Variants in ARHGAP26 observed in about 807,000 individuals in gnomAD.
ARHGAP26 encodes Rho GTPase activating protein 26, also known as rho GTPase-activating protein 26.
In ARHGAP26, 38 loss-of-function variants were observed where a neutral mutation model predicts 104.8. The observed-to-expected ratio is 0.36, with a 90% confidence interval of 0.28 to 0.48. ARHGAP26 has a LOEUF of 0.48. Among genes scored for constraint, ARHGAP26 ranks in the 20% least tolerant of loss-of-function variants. The probability of loss-of-function intolerance (pLI) is 0.99; values close to 1 mark genes in which losing one functional copy is unlikely to be tolerated. For synonymous variants in ARHGAP26, 341 were observed against 340.0 expected (o/e 1.00, Z -0.03); for missense variants, 704 against 947.9 (o/e 0.74, Z 3.38).
chr5:142,879,359 G>A lies in ARHGAP26; in HGVS notation c.313-15G>A. The A allele has an allele frequency of 6.2e-7, 1 of 1,612,826 alleles. No individual in the cohort carries two copies. On this transcript the variant is annotated splice_polypyrimidine_tract_variant and intron_variant, in intron 3 of 22. Transcript: ENST00000645722. ...TTTTGTGTCTTCTTTCCCTTACTCT[G>A]TTGTTCTTCACCAGATTGAGAATGC...
intron 20 of ARHGAP26, among the ~76,000 whole-genome samples, chr5:143,198,541 C>T (rs1807213424): frequency 6.6e-6 from 1 of 152,126 alleles, no homozygotes; most frequent in East Asian, 1.9e-4. Flanking sequence ...TGACCCTTTC[C>T]CTTGAGGTTT....
chr5:142,953,637 TGCCAAAATTAAGGCA>T (rs1316528032), intron 11 of ARHGAP26, among the ~76,000 whole-genome samples: 3 of 152,228 alleles, frequency 2.0e-5, no homozygotes, highest in Non-Finnish European at 2.9e-5. Flanking sequence ...TTTTGGGACT[TGCCAAAATTAAGGCA>T]GCCTGTCCTG....
intron 11 of ARHGAP26, among the ~76,000 whole-genome samples, chr5:143,003,038 G>A (rs1225125296): frequency 2.0e-5 from 3 of 152,174 alleles, no homozygotes; most frequent in African/African-American, 7.2e-5. Flanking sequence ...AAAGCTTCCT[G>A]AATTATAACT....
rs1298333177 is a variant in ARHGAP26 at position 142,810,424 on chromosome 5, G to GAGACATATA, written c.154+39509_154+39510insAGACATATA. On this transcript the variant is annotated intron_variant, in intron 1 of 22. Transcript: ENST00000645722. Reference sequence around the variant, plus strand: ...TGACTTCAGCCCCAGGTCAAGTCCTGTTGTTAACTTCATAATATTTTAATG... The same window carrying GAGACATATA: ...TGACTTCAGCCCCAGGTCAAGTCCTGAGACATATATTGTTAACTTCATAATATTTTAATG... 5.6e-4 allele frequency among the ~76,000 whole-genome samples: 86 copies of GAGACATATA among 152,304 alleles called. No individual in the cohort carries two copies. In the East Asian group the frequency reaches 0.012, roughly 21 times the overall value.
chr5:143,182,821 T>A (rs1247508216), intron 20 of ARHGAP26, among the ~76,000 whole-genome samples: 2 of 152,160 alleles, frequency 1.3e-5, no homozygotes, highest in African/African-American at 4.8e-5. Context: ...TCAAGCCCCA[T>A]GTAAATAGTC....
intron 13 of ARHGAP26, 89 bp from the exon 14 acceptor site, chr5:143,041,722 GAAAAA>G (rs34295120): frequency 2.6e-4 from 164 of 642,696 alleles, no homozygotes; most frequent in African/African-American, 7.2e-4. Context: ...CTGAGAAAAT[GAAAAA>G]AAAAAAAAAA....
At chr5:142,799,450 A>G (rs961115937) in intron 1 of ARHGAP26, among the ~76,000 whole-genome samples, 9 of 152,170 alleles carry the variant, frequency 5.9e-5, no homozygotes, top group Non-Finnish European at 8.8e-5. Context: ...CCATCTTTCA[A>G]CAGTCCCAAG....
intron 11 of ARHGAP26, among the ~76,000 whole-genome samples, chr5:142,955,287 T>TGA (rs1769066024): frequency 6.6e-6 from 1 of 151,912 alleles, no homozygotes; most frequent in Non-Finnish European, 1.5e-5. Context: ...GGCGACAGAG[T>TGA]GAGACCCTGT....
chr5:142,930,781 G>A (rs1205139186), intron 10 of ARHGAP26, among the ~76,000 whole-genome samples: 2 of 152,124 alleles, frequency 1.3e-5, no homozygotes, highest in African/African-American at 4.8e-5. Flanking sequence ...TTAAGGGGAT[G>A]TCAAGGAATG....
At chr5:142,972,500 A>G (rs1837261) in intron 11 of ARHGAP26, among the ~76,000 whole-genome samples, 5,835 of 152,156 alleles carry the variant, frequency 0.038, 120 homozygotes, top group South Asian at 0.057. Flanking sequence ...ATTAATCCCA[A>G]ACCTTTGTAT....
At chr5:142,791,724 G>T (rs921819009) in intron 1 of ARHGAP26, among the ~76,000 whole-genome samples, 9 of 152,112 alleles carry the variant, frequency 5.9e-5, no homozygotes, top group African/African-American at 2.2e-4. Flanking sequence ...AGCACTTTGG[G>T]AGGCCAAGGC....
At chr5:143,113,654 T>C (rs1346934564) in intron 17 of ARHGAP26, among the ~76,000 whole-genome samples, 1 of 152,212 alleles carries the variant, frequency 6.6e-6, no homozygotes, top group Non-Finnish European at 1.5e-5. Flanking sequence ...TTGTCAAGTG[T>C]GCAGCCATTT....
At position 142,981,954 on chromosome 5, in the gene ARHGAP26, C is replaced by G. The variant is rs74534318; in HGVS notation, c.1108-32126C>G. On this transcript the variant is annotated intron_variant, in intron 11 of 22. Coordinates refer to ENST00000645722, the MANE Select transcript of ARHGAP26 (RefSeq NM_001135608.3). ...TAATTTATTGACATAGAAGAGGCCT[C>G]GTGCAGGCTTTCATTGCATTAGTCC... Among the ~76,000 whole-genome samples, 590 of 152,356 alleles carry G rather than the reference C, an allele frequency of 3.9e-3. 6 individuals are homozygous for G. The highest frequency in any genetic ancestry group is 0.024 in the Middle Eastern group (7 of 294).
At chr5:142,917,220 G>A (rs1376594691) in intron 10 of ARHGAP26, among the ~76,000 whole-genome samples, 2 of 152,024 alleles carry the variant, frequency 1.3e-5, no homozygotes, top group Non-Finnish European at 2.9e-5. Flanking sequence ...TGTATTTTTA[G>A]TAGAGATGCG....
chr5:142,931,586 G>A (rs921088280), intron 10 of ARHGAP26, among the ~76,000 whole-genome samples: 3 of 152,166 alleles, frequency 2.0e-5, no homozygotes, highest in African/African-American at 7.2e-5. Flanking sequence ...AGAAGCAGTG[G>A]ACTAGATATT....
chr5:142,793,668 A>G (rs112915260), intron 1 of ARHGAP26, among the ~76,000 whole-genome samples: 3,437 of 151,882 alleles, frequency 0.023, 58 homozygotes, highest in Non-Finnish European at 0.033. Flanking sequence ...GCTCACTGCA[A>G]CCTCCACCTC....
intron 11 of ARHGAP26, among the ~76,000 whole-genome samples, chr5:143,009,068 A>T (rs7724648): frequency 0.033 from 5,054 of 151,362 alleles, 301 homozygotes; most frequent in African/African-American, 0.12. Context: ...TCAAAGAGCT[A>T]CTCTCCCCCC....
chr5:143,183,677 C>G (rs1447964640), intron 20 of ARHGAP26, among the ~76,000 whole-genome samples: 1 of 152,200 alleles, frequency 6.6e-6, no homozygotes, highest in Non-Finnish European at 1.5e-5. Flanking sequence ...GGGGCCTCCT[C>G]GGACGCCACC....
intron 11 of ARHGAP26, among the ~76,000 whole-genome samples, chr5:143,005,100 C>G (rs1777750612): frequency 6.6e-6 from 1 of 152,092 alleles, no homozygotes; most frequent in Non-Finnish European, 1.5e-5. Context: ...AAAAAAATTA[C>G]CACAACCCTT....
Sources: allele counts gnomAD v4.1 joint callset (sites outside exome capture counted in the v4.1 genomes callset), GRCh38; gene constraint gnomAD v4.1.1; transcripts MANE v1.5; gene names NCBI Gene and HGNC (gene_info 2026-07-23, HGNC 2026-07-21).